Variants in RBFOX1 observed in about 807,000 individuals in gnomAD.
The protein encoded by RBFOX1 is RNA binding fox-1 homolog 1.
Under a neutral mutation model 57.7 loss-of-function variants are expected in RBFOX1, and 8 were observed. The observed-to-expected ratio is 0.14, with a 90% CI of 0.08 to 0.25. The LOEUF (loss-of-function observed/expected upper bound fraction) is 0.25, where lower values mean the gene tolerates loss of function less well. Ranked by LOEUF, RBFOX1 falls within the 10% of genes least tolerant of loss-of-function variation. The pLI is 1.00. For missense variants in RBFOX1, 611 were observed against 548.5 expected (o/e 1.11, Z -1.14); for synonymous variants, 326 against 222.4 (o/e 1.47, Z -4.15).
In RBFOX1 at chr16:5,946,461, C is replaced by G. The variant is rs1352281121; in HGVS notation, c.351+79126C>G. On this transcript the variant is annotated intron_variant, in intron 4 of 19. Transcript: ENST00000641259. This position sits in a 1 kb window ranked among gnomAD's most constrained non-coding sequence, Gnocchi z 4.6. ...GAGCCATGAACAGCTCAGCCAAGAT[C>G]TCTGCTCTCATGGAATGGGAGTGCC... Among the ~76,000 whole-genome samples the G allele has an allele frequency of 6.6e-6, 1 of 152,208 alleles. No individual in the cohort carries two copies. Among genetic ancestry groups the G allele is most frequent in the Non-Finnish European group, 1.5e-5 (1 of 68,042 alleles).
At chr16:6,059,576 A>G (rs8063300) in intron 1 of RBFOX1, among the ~76,000 whole-genome samples, 13,474 of 152,142 alleles carry the variant, frequency 0.089, 718 homozygotes, top group African/African-American at 0.13. Context: ...ATTTTCGTCT[A>G]TAGGGAGGAA....
intron 4 of RBFOX1, among the ~76,000 whole-genome samples, chr16:7,127,545 G>T (rs1183670246): frequency 6.6e-6 from 1 of 152,198 alleles, no homozygotes; most frequent in Non-Finnish European, 1.5e-5. Context: ...TGTACTGTAT[G>T]TGTATGCACG....
At chr16:6,604,279 A>G (rs1648248995) in intron 2 of RBFOX1, among the ~76,000 whole-genome samples, 1 of 152,112 alleles carries the variant, frequency 6.6e-6, no homozygotes, top group African/African-American at 2.4e-5. Flanking sequence ...CTATTTTAGA[A>G]AAAAACCTCA....
chr16:5,923,517 C>T (rs1038305431), intron 4 of RBFOX1, among the ~76,000 whole-genome samples: 13 of 148,576 alleles, frequency 8.7e-5, no homozygotes, highest in Non-Finnish European at 1.8e-4. Flanking sequence ...GATCATCTGT[C>T]TCCAGAGCCA....
intron 1 of RBFOX1, among the ~76,000 whole-genome samples, chr16:6,033,565 C>A (rs2095320847): frequency 6.6e-6 from 1 of 152,130 alleles, no homozygotes; most frequent in East Asian, 1.9e-4. Context: ...TTAAGAATAC[C>A]TTTTAAGGAT....
At chr16:6,644,586 C>A (rs1043934237) in intron 2 of RBFOX1, among the ~76,000 whole-genome samples, 9 of 152,154 alleles carry the variant, frequency 5.9e-5, no homozygotes, top group African/African-American at 2.2e-4. Context: ...GTATTTGAGT[C>A]CAGGAGAACA....
At chr16:6,897,008 G>T (rs1225433421) in intron 3 of RBFOX1, among the ~76,000 whole-genome samples, 2 of 152,138 alleles carry the variant, frequency 1.3e-5, no homozygotes, top group Non-Finnish European at 2.9e-5. Flanking sequence ...AGCAGGGGAC[G>T]CACCTGTGCA....
At chr16:6,865,928 C>A (rs984121715) in intron 3 of RBFOX1, among the ~76,000 whole-genome samples, 1 of 151,992 alleles carries the variant, frequency 6.6e-6, no homozygotes, top group Admixed American at 6.6e-5. Flanking sequence ...AAAAAGCCAC[C>A]TCATTTGGTT....
chr16:7,040,739 A>C (rs1432457713), intron 3 of RBFOX1, among the ~76,000 whole-genome samples: 1 of 152,150 alleles, frequency 6.6e-6, no homozygotes. Context: ...AATGATTTTA[A>C]CTTGCTTTTG....
At chr16:6,221,697 G>A (rs1243063515) in intron 1 of RBFOX1, among the ~76,000 whole-genome samples, 1 of 152,208 alleles carries the variant, frequency 6.6e-6, no homozygotes, top group Non-Finnish European at 1.5e-5. Flanking sequence ...TCACAGTCAT[G>A]GCAGAAGGTG....
chr16:6,905,553 A>AG (rs759047518), intron 3 of RBFOX1, among the ~76,000 whole-genome samples: 3 of 11,684 alleles, frequency 2.6e-4, no homozygotes, highest in African/African-American at 1.3e-3. Flanking sequence ...ACTCCATCTC[A>AG]AAAAAAAAAA....
At chr16:6,805,117 A>G (rs532481352) in intron 3 of RBFOX1, among the ~76,000 whole-genome samples, 1 of 152,268 alleles carries the variant, frequency 6.6e-6, no homozygotes, top group South Asian at 2.1e-4. Flanking sequence ...CATTACTCAC[A>G]ATAGCAAAGA....
intron 3 of RBFOX1, among the ~76,000 whole-genome samples, chr16:6,787,520 T>C (rs1010312812): frequency 6.6e-6 from 1 of 152,172 alleles, no homozygotes; most frequent in Non-Finnish European, 1.5e-5. Context: ...TGCTGGGCAA[T>C]AGAAATTGGG....
chr16:7,221,835 T>C (rs2092754302), intron 4 of RBFOX1, among the ~76,000 whole-genome samples: 1 of 152,210 alleles, frequency 6.6e-6, no homozygotes, highest in African/African-American at 2.4e-5. Flanking sequence ...GCCTGAAAAG[T>C]TGATTTCCCT....
At chr16:6,840,960 G>T (rs551240234) in intron 3 of RBFOX1, among the ~76,000 whole-genome samples, 1 of 151,770 alleles carries the variant, frequency 6.6e-6, no homozygotes, top group East Asian at 1.9e-4. Flanking sequence ...TTAGAGTTAA[G>T]GGTATCTACC....
chr16:5,322,802 C>G (rs1201392735), intron 1 of RBFOX1, among the ~76,000 whole-genome samples: 1 of 152,204 alleles, frequency 6.6e-6, no homozygotes, highest in African/African-American at 2.4e-5. Context: ...CCTTATTCTA[C>G]TTATTTTGAG....
intron 2 of RBFOX1, among the ~76,000 whole-genome samples, chr16:6,367,685 T>C (rs1167490342): frequency 6.6e-6 from 1 of 150,690 alleles, no homozygotes; most frequent in African/African-American, 2.5e-5. Context: ...TTTCATAGGA[T>C]GGGAGCCAAT....
intron 1 of RBFOX1, among the ~76,000 whole-genome samples, chr16:6,065,959 G>A (rs9937132): frequency 0.063 from 9,523 of 152,154 alleles, 844 homozygotes; most frequent in African/African-American, 0.2. Flanking sequence ...TGGAAAGTGC[G>A]CTAAGCATGA....
chr16:7,553,689 T>G (rs1434344535), intron 5 of RBFOX1, among the ~76,000 whole-genome samples: 1 of 152,228 alleles, frequency 6.6e-6, no homozygotes, highest in African/African-American at 2.4e-5. Flanking sequence ...AGCTGTGTCC[T>G]AACCCCCAGC....
Sources: allele counts gnomAD v4.1 joint callset (sites outside exome capture counted in the v4.1 genomes callset), GRCh38; gene constraint gnomAD v4.1.1; non-coding constraint Gnocchi (gnomAD v3.1); transcripts MANE v1.5; gene names NCBI Gene and HGNC (gene_info 2026-07-23, HGNC 2026-07-21).